The following TRIO variants were observed in gnomAD, a reference collection of about 807,000 sequenced individuals.
The protein encoded by TRIO is triple functional domain protein.
In TRIO, 58 loss-of-function variants were observed where a neutral mutation model predicts 351.9. The ratio of observed to expected loss-of-function variants is 0.16; its 90% CI spans 0.13 to 0.21. The LOEUF is 0.21. Ranked by LOEUF, TRIO falls within the 10% of genes least tolerant of loss-of-function variation. The probability of loss-of-function intolerance (pLI) is 1.00; values close to 1 mark genes in which losing one functional copy is unlikely to be tolerated. For missense variants in TRIO, 3,201 were observed against 4,027.8 expected (o/e 0.79, Z 5.56); for synonymous variants, 1,758 against 1,595.7 (o/e 1.10, Z -2.42).
rs1787295370 is a variant in TRIO at position 14,143,498 on chromosome 5, C to T, written c.-228C>T. On this transcript the variant is annotated 5_prime_UTR_variant, in exon 1 of 57. Coordinates refer to ENST00000344204, the MANE Select transcript of TRIO (RefSeq NM_007118.4). ...CCCGGGAGGCCGTGGCTCCGCGCCTCCGCCCCTCGGCCAGCTCGCGGCTAC... is the reference window on the plus strand; with the variant it reads ...CCCGGGAGGCCGTGGCTCCGCGCCTTCGCCCCTCGGCCAGCTCGCGGCTAC... Among the ~76,000 whole-genome samples, 2 of 148,154 alleles carry T rather than the reference C, an allele frequency of 1.3e-5. No homozygotes were observed. Among genetic ancestry groups the T allele is most frequent in the Admixed American group, 1.3e-4 (2 of 14,920 alleles).
intron 43 of TRIO, among the ~76,000 whole-genome samples, chr5:14,480,841 G>A (rs914239603): frequency 3.9e-5 from 6 of 152,106 alleles, no homozygotes; most frequent in South Asian, 2.1e-4. Flanking sequence ...CTGTAGACCC[G>A]GCTACTTGGG....
chr5:14,268,010 G>A (rs1019949392), intron 1 of TRIO, among the ~76,000 whole-genome samples: 2 of 152,160 alleles, frequency 1.3e-5, no homozygotes, highest in Non-Finnish European at 2.9e-5. Flanking sequence ...TACCTACATC[G>A]CAATAAAAGT....
chr5:14,400,435 G>A (rs1410908029), intron 30 of TRIO, among the ~76,000 whole-genome samples: 1 of 152,148 alleles, frequency 6.6e-6, no homozygotes. Context: ...ATGCTTCCAT[G>A]TTCTGCATAT....
chr5:14,207,407 C>T lies in TRIO; in HGVS notation c.158-63418C>T, dbSNP rs1306222321. ...GACTGTCTACACACACACACACACA[C>T]ACACACACACACACACACACACACG... On this transcript the variant is annotated intron_variant, in intron 1 of 56. Transcript: ENST00000344204. Among the ~76,000 whole-genome samples the T allele has an allele frequency of 3.0e-4, 37 of 121,868 alleles. 3 individuals carry two copies. Among genetic ancestry groups the T allele is most frequent in the Non-Finnish European group, 5.7e-4 (32 of 55,758 alleles). The allele number at this position is 121,868 out of a possible 152,430, so 80.0% of individuals were successfully genotyped here.
rs185942251 is a variant in TRIO, at chr5:14,393,485, G to T, written c.4219-553G>T. 5.8e-4 allele frequency among the ~76,000 whole-genome samples: 88 copies of T among 152,298 alleles called. No homozygotes were observed. In the East Asian group the frequency reaches 8.9e-3, roughly 15 times the overall value. On this transcript the variant is annotated intron_variant, in intron 27 of 56. Transcript: ENST00000344204. ...GCTTTCAGTATTCCTTGTACAGTTG[G>T]TTTATTTTTTTAGAGGCTTTCTTCT...
intron 27 of TRIO, among the ~76,000 whole-genome samples, chr5:14,393,290 G>A (rs979084244): frequency 6.6e-6 from 1 of 152,086 alleles, no homozygotes; most frequent in Non-Finnish European, 1.5e-5. Flanking sequence ...AATACCTAAT[G>A]TACACAACGG....
chr5:14,145,447 G>C (rs1394804190), intron 1 of TRIO, among the ~76,000 whole-genome samples: 1 of 151,770 alleles, frequency 6.6e-6, no homozygotes, highest in East Asian at 1.9e-4. Flanking sequence ...AGTGCCTGCA[G>C]AAAGCAAAGG....
intron 1 of TRIO, among the ~76,000 whole-genome samples, chr5:14,176,271 A>C (rs970270414): frequency 6.6e-6 from 1 of 152,120 alleles, no homozygotes; most frequent in South Asian, 2.1e-4. Context: ...GGAGATCGAG[A>C]TCATCCTGGC....
chr5:14,223,319 C>T (rs1283229247), intron 1 of TRIO, among the ~76,000 whole-genome samples: 1 of 152,170 alleles, frequency 6.6e-6, no homozygotes, highest in African/African-American at 2.4e-5. Flanking sequence ...CCCAGAAAAA[C>T]GATGTAAACA....
At chr5:14,431,654 C>G (rs1751154196) in intron 34 of TRIO, among the ~76,000 whole-genome samples, 1 of 152,118 alleles carries the variant, frequency 6.6e-6, no homozygotes, top group African/African-American at 2.4e-5. Flanking sequence ...CATTTCAGTC[C>G]TGTATCATGG....
intron 19 of TRIO, 55 bp from the exon 20 acceptor site, chr5:14,377,957 G>A (rs1383551800): frequency 1.2e-5 from 16 of 1,321,904 alleles, no homozygotes; most frequent in South Asian, 5.0e-5. Context: ...GGAATTTCGC[G>A]GTTGTTTTAA....
chr5:14,419,592 A>C (rs1749942403), intron 33 of TRIO, among the ~76,000 whole-genome samples, 186 bp from the exon 34 acceptor site: 1 of 152,194 alleles, frequency 6.6e-6, no homozygotes, highest in African/African-American at 2.4e-5. Flanking sequence ...CAGGTTCAAG[A>C]AATTTGGAAG....
intron 34 of TRIO, among the ~76,000 whole-genome samples, chr5:14,456,721 A>G (rs1482447796): frequency 6.6e-6 from 1 of 152,216 alleles, no homozygotes; most frequent in East Asian, 1.9e-4. Flanking sequence ...GGTGTGATAT[A>G]TCCTTATCCT....
rs1200336379 is a variant in TRIO at position 14,504,566 on chromosome 5, C to T, written c.8585C>T (p.Pro2862Leu). Residue 2862 changes from proline to leucine, a missense_variant, in exon 55 of 57, where the codon CCC (proline) becomes CTC (leucine). This residue lies in a region of TRIO where 1,089 missense variants were observed against 954.9 expected (regional missense o/e 1.14). Coordinates refer to ENST00000344204, the MANE Select transcript of TRIO (RefSeq NM_007118.4). ...GGCCTCCTCGACACCTTTGAGACCCCCACCAGCTACATCCTGGTCTTAGAA... is the reference window on the plus strand; with the variant it reads ...GGCCTCCTCGACACCTTTGAGACCCTCACCAGCTACATCCTGGTCTTAGAA... ...LVGLLDTFET[P>L]TSYILVLEMA... 1.9e-6 allele frequency: 3 copies of T among 1,614,006 alleles called. No individual in the cohort carries two copies. Among genetic ancestry groups the T allele is most frequent in the Non-Finnish European group, 2.5e-6 (3 of 1,180,028 alleles).
chr5:14,438,697 G>A (rs952483765), intron 34 of TRIO, among the ~76,000 whole-genome samples: 2 of 152,202 alleles, frequency 1.3e-5, no homozygotes, highest in African/African-American at 4.8e-5. Context: ...CTTATTTCCA[G>A]GGAAATTTTG....
chr5:14,330,669 T>C (rs1740826747), intron 9 of TRIO, 109 bp from the exon 10 acceptor site: 5 of 1,362,700 alleles, frequency 3.7e-6, no homozygotes, highest in Non-Finnish European at 4.8e-6. Context: ...GTTTGCTTCT[T>C]GTTTCTTACA....
At chr5:14,245,240 C>T (rs754557892) in intron 1 of TRIO, among the ~76,000 whole-genome samples, 4 of 152,198 alleles carry the variant, frequency 2.6e-5, no homozygotes, top group African/African-American at 7.2e-5. Flanking sequence ...CTCCTTTGCA[C>T]CTGTTGAAAA....
At chr5:14,484,997 C>T (rs1192708571) in intron 46 of TRIO, 72 bp from the exon 47 acceptor site, 20 of 1,404,058 alleles carry the variant, frequency 1.4e-5, no homozygotes, top group Middle Eastern at 1.9e-4. Context: ...GTCCATTCAT[C>T]GGTCAGTGGA....
Position 14,485,231 on chromosome 5 carries a change from C to A in TRIO, c.6820C>A (p.Arg2274Ser). 6.3e-7 allele frequency: 1 copy of A among 1,577,882 alleles called. No homozygotes were observed. The highest frequency in any genetic ancestry group is 8.7e-7 in the Non-Finnish European group (1 of 1,154,796). Reference sequence around the variant, plus strand: ...AATCAACCAAATTTTAGAAAACCAGCGCAATTTTTTAAATGGTAATGTGTG... The same window carrying A: ...AATCAACCAAATTTTAGAAAACCAGAGCAATTTTTTAAATGGTAATGTGTG... ...HEINQILENQRNFLNALTSPI... is the reference protein window; with the variant it reads ...HEINQILENQSNFLNALTSPI... The change falls in exon 47 of 57, where the codon CGC becomes AGC. Residue 2274 changes from arginine (R) to serine (S), a missense_variant. This residue lies in a region of TRIO where 1,089 missense variants were observed against 954.9 expected (regional missense o/e 1.14). Transcript: ENST00000344204.
Sources: gnomAD v4.1 joint callset for allele counts (sites outside exome capture counted in the v4.1 genomes callset) on GRCh38, gnomAD v4.1.1 for gene constraint, gnomAD v4.1.1 regional missense constraint, MANE v1.5 for transcripts, NCBI Gene and HGNC (gene_info 2026-07-23, HGNC 2026-07-21) for gene names.